Variants in GPR19 observed in about 807,000 individuals in gnomAD.
GPR19 encodes G protein-coupled receptor 19.
In GPR19, 14 loss-of-function variants were observed where a neutral mutation model predicts 28.5. The observed-to-expected ratio is 0.49, with a 90% CI of 0.32 to 0.77. GPR19 has a LOEUF of 0.77. Ranked by LOEUF, GPR19 falls within the 30% of genes least tolerant of loss-of-function variation. GPR19 has a pLI of 0.03. For synonymous variants in GPR19, 173 were observed against 184.1 expected (o/e 0.94, Z 0.49); for missense variants, 409 against 504.1 (o/e 0.81, Z 1.81).
At chr12:12,716,388 C>G in the GPR19 span, among the ~76,000 whole-genome samples, 1 of 152,108 alleles carries the variant, frequency 6.6e-6, no homozygotes, top group Admixed American at 6.6e-5. Context: ...AAGGAAGGAG[C>G]TGTTGTATTT....
At chr12:12,708,831 G>A in the GPR19 span, among the ~76,000 whole-genome samples, 24 of 152,298 alleles carry the variant, frequency 1.6e-4, no homozygotes, top group Admixed American at 1.0e-3. Context: ...GGTGGATCAC[G>A]AGGTTAGGAG....
chr12:12,684,007 T>G (rs991836808), intron 3 of GPR19: 1 of 152,212 alleles, frequency 6.6e-6, no homozygotes, highest in African/African-American at 2.4e-5. Flanking sequence ...TGAAAAAGGA[T>G]GAAACAGCTT....
chr12:12,686,861 T>C, intron 2 of GPR19, among the ~76,000 whole-genome samples: 1 of 152,238 alleles, frequency 6.6e-6, no homozygotes, highest in Non-Finnish European at 1.5e-5. Context: ...TATTTATTCC[T>C]TCCAGGATGA....
chr12:12,667,376 A>G (rs1945798210), intron 3 of GPR19, among the ~76,000 whole-genome samples: 1 of 152,100 alleles, frequency 6.6e-6, no homozygotes, highest in Admixed American at 6.6e-5. Context: ...AGTGGGGAAA[A>G]TGGTAGATGG....
At chr12:12,716,111 C>T in the GPR19 span, among the ~76,000 whole-genome samples, 2 of 152,326 alleles carry the variant, frequency 1.3e-5, no homozygotes, top group African/African-American at 2.4e-5. Context: ...CAGCCCTGCT[C>T]ATCGTCCTAC....
chr12:12,680,881 G>T (rs1946008532), intron 3 of GPR19, among the ~76,000 whole-genome samples: 1 of 152,068 alleles, frequency 6.6e-6, no homozygotes, highest in African/African-American at 2.4e-5. Flanking sequence ...TAGAGATGGG[G>T]TTTCAGCATG....
Position 12,694,937 on chromosome 12 carries a change from G to A in GPR19, c.-180+522C>T, listed in dbSNP as rs929682989. 5.3e-5 allele frequency among the ~76,000 whole-genome samples: 8 copies of A among 152,192 alleles called. No individual in the cohort carries two copies. In the East Asian group the frequency reaches 1.5e-3, roughly 29 times the overall value. ...AGCGCAGCTGCCAGGATATACTTTA[G>A]GCTGCCAAAATGAAATGAAGTCACT... On this transcript the variant is annotated intron_variant, in intron 2 of 3. Transcript: ENST00000651487.
At chr12:12,669,816 G>GA (rs1294054096) in intron 3 of GPR19, among the ~76,000 whole-genome samples, 1 of 152,170 alleles carries the variant, frequency 6.6e-6, no homozygotes, top group African/African-American at 2.4e-5. Flanking sequence ...AATGGCTCAG[G>GA]AGGCCACACA....
At chr12:12,698,638 T>G (rs549828632), upstream of GPR19, among the ~76,000 whole-genome samples, 1 of 151,324 alleles carries the variant, frequency 6.6e-6, no homozygotes, top group East Asian at 1.9e-4. Flanking sequence ...CTCAAGACGG[T>G]CTTGCTCTGT....
chr12:12,715,391 CAGTT>C, the GPR19 span, among the ~76,000 whole-genome samples: 1 of 152,220 alleles, frequency 6.6e-6, no homozygotes, highest in Non-Finnish European at 1.5e-5. Flanking sequence ...TCTTTTCTGT[CAGTT>C]AGGTAGGAAG....
chr12:12,680,933 C>T (rs552690859), intron 3 of GPR19, among the ~76,000 whole-genome samples: 1 of 152,268 alleles, frequency 6.6e-6, no homozygotes. Context: ...AAGTATTCTG[C>T]CCCCCTCAGC....
At chr12:12,716,370 G>A in the GPR19 span, among the ~76,000 whole-genome samples, 6 of 152,168 alleles carry the variant, frequency 3.9e-5, no homozygotes, top group Admixed American at 3.3e-4. Context: ...GAGAGAGAAG[G>A]GTGGAGGAAG....
intron 3 of GPR19, among the ~76,000 whole-genome samples, chr12:12,676,813 A>AC (rs1392833154): frequency 2.6e-5 from 4 of 152,232 alleles, no homozygotes; most frequent in Non-Finnish European, 5.9e-5. Context: ...TTTGCACCTC[A>AC]CTAAATTCAA....
At chr12:12,704,375 G>A in the GPR19 span, among the ~76,000 whole-genome samples, 1 of 152,108 alleles carries the variant, frequency 6.6e-6, no homozygotes. Context: ...GGTAGTACAG[G>A]TCTGTAATCC....
intron 2 of GPR19, among the ~76,000 whole-genome samples, chr12:12,689,556 A>G (rs1190226452): frequency 6.6e-6 from 1 of 152,162 alleles, no homozygotes; most frequent in African/African-American, 2.4e-5. Context: ...AACTGAATGA[A>G]TTGAACTATA....
chr12:12,709,928 A>G, the GPR19 span, among the ~76,000 whole-genome samples: 1 of 152,186 alleles, frequency 6.6e-6, no homozygotes, highest in African/African-American at 2.4e-5. Flanking sequence ...CGGTAAGGGA[A>G]TGGGAACAGG....
the GPR19 span, chr12:12,716,820 C>A: frequency 2.0e-6 from 2 of 985,272 alleles, no homozygotes; most frequent in Non-Finnish European, 2.4e-6. Flanking sequence ...CACCAGCCCC[C>A]AGCAAAGGCA....
chr12:12,705,910 G>A, the GPR19 span, among the ~76,000 whole-genome samples: 1 of 152,134 alleles, frequency 6.6e-6, no homozygotes, highest in Non-Finnish European at 1.5e-5. Flanking sequence ...TGTAAAACCA[G>A]GCAATGAAAG....
chr12:12,669,759 G>A (rs1945831786), intron 3 of GPR19, among the ~76,000 whole-genome samples: 1 of 152,114 alleles, frequency 6.6e-6, no homozygotes, highest in Admixed American at 6.6e-5. Flanking sequence ...GGGCTTTCAG[G>A]GCAGCCTATC....
Sources: gnomAD v4.1 joint callset for allele counts (sites outside exome capture counted in the v4.1 genomes callset) on GRCh38, gnomAD v4.1.1 for gene constraint, MANE v1.5 for transcripts, NCBI Gene and HGNC (gene_info 2026-07-23, HGNC 2026-07-21) for gene names.